ITPR2: variants seen among roughly 807,000 people sequenced by gnomAD.
ITPR2 encodes inositol 1,4,5-trisphosphate receptor type 2, also known as inositol 1,4,5-trisphosphate-gated calcium channel ITPR2.
A neutral mutation model predicts 317.1 loss-of-function variants in ITPR2; 207 were observed. That is an observed-to-expected ratio of 0.65 (90% CI 0.58 to 0.73). The LOEUF is 0.73. Ranked by LOEUF, ITPR2 falls within the 30% of genes least tolerant of loss-of-function variation. ITPR2 has a pLI of 0.00. For missense variants in ITPR2, 2,613 were observed against 3,284.0 expected (o/e 0.80, Z 4.99); for synonymous variants, 1,156 against 1,149.1 (o/e 1.01, Z -0.12).
At chr12:26,451,365 T>TCTCACACACACA (rs368381589) in intron 45 of ITPR2, among the ~76,000 whole-genome samples, 100 of 136,408 alleles carry the variant, frequency 7.3e-4, no homozygotes, top group Non-Finnish European at 6.0e-4. Context: ...TTCTCTCATA[T>TCTCACACACACA]CACACACACA....
chr12:26,599,291 T>C lies in ITPR2; in HGVS notation c.3856A>G (p.Asn1286Asp). The change falls in exon 30 of 57, where the codon AAC becomes GAC. Residue 1286 changes from asparagine to aspartate, a missense_variant. Physicochemically the swap from Asn to Asp is conservative, Grantham distance 23 (BLOSUM62 1). Coordinates refer to ENST00000381340, the MANE Select transcript of ITPR2 (RefSeq NM_002223.4). ...HIFMNNYHLCNEISERVVQHF... is the reference protein window; with the variant it reads ...HIFMNNYHLCDEISERVVQHF... Reference sequence around the variant, plus strand: ...TGTACAACTCTCTCGCTAATTTCGTTGCACAGATGGTAATTGTTCATGAAG... The same window carrying C: ...TGTACAACTCTCTCGCTAATTTCGTCGCACAGATGGTAATTGTTCATGAAG... 1 of 1,614,124 alleles carries C rather than the reference T, an allele frequency of 6.2e-7. No individual in the cohort carries two copies. Among genetic ancestry groups the C allele is most frequent in the South Asian group, 1.1e-5 (1 of 91,090 alleles).
At chr12:26,715,201 C>A in intron 8 of ITPR2, 98 bp downstream of exon 8, 1 of 1,067,714 alleles carries the variant, frequency 9.4e-7, no homozygotes, top group Non-Finnish European at 1.3e-6. Context: ...TTTTATGATT[C>A]TATCATAAAT....
At chr12:26,513,140 C>T (rs189100981) in intron 37 of ITPR2, among the ~76,000 whole-genome samples, 2 of 152,050 alleles carry the variant, frequency 1.3e-5, no homozygotes, top group Admixed American at 1.3e-4. Flanking sequence ...CGCGCCCGGC[C>T]GGGAAACAAT....
rs114684061 is a variant in ITPR2 at position 26,535,268 on chromosome 12, A to G, written c.5073+14979T>C. 5.5e-3 allele frequency among the ~76,000 whole-genome samples: 839 copies of G among 152,310 alleles called. 9 individuals carry two copies. The highest frequency in any genetic ancestry group is 0.019 in the African/African-American group (797 of 41,564). On this transcript the variant is annotated intron_variant, in intron 37 of 56. Transcript: ENST00000381340. ...ATTAAAATAAATCAGGAACTACTAT[A>G]CACAATAAAAATGATTCCAAAAAAG...
At chr12:26,343,100 C>A (rs1047711012) in intron 55 of ITPR2, among the ~76,000 whole-genome samples, 1 of 152,154 alleles carries the variant, frequency 6.6e-6, no homozygotes, top group Non-Finnish European at 1.5e-5. Context: ...GCTGGTGCCA[C>A]GCTTCTTGTG....
intron 35 of ITPR2, among the ~76,000 whole-genome samples, chr12:26,556,670 G>A (rs1944672742): frequency 6.7e-6 from 1 of 150,210 alleles, no homozygotes; most frequent in Non-Finnish European, 1.5e-5. Context: ...GGAAAAGTCA[G>A]TTAAGCCACT....
chr12:26,816,570 T>G (rs1015311365), intron 1 of ITPR2, among the ~76,000 whole-genome samples: 1 of 152,212 alleles, frequency 6.6e-6, no homozygotes, highest in African/African-American at 2.4e-5. Flanking sequence ...CCTGAGGACA[T>G]GATTATTAGC....
intron 37 of ITPR2, among the ~76,000 whole-genome samples, chr12:26,496,211 GC>G (rs1942927758): frequency 6.6e-6 from 1 of 152,074 alleles, no homozygotes; most frequent in African/African-American, 2.4e-5. Flanking sequence ...GGAAACTGTG[GC>G]CCAAGAGCTT....
intron 49 of ITPR2, among the ~76,000 whole-genome samples, chr12:26,422,277 AATTATTGAATAATT>A (rs1364073404): frequency 1.3e-5 from 2 of 150,300 alleles, no homozygotes; most frequent in African/African-American, 4.9e-5. Flanking sequence ...ATTATTATTG[AATTATTGAATAATT>A]ATTATTGAAT....
At chr12:26,751,875 A>C (rs7956541) in intron 2 of ITPR2, among the ~76,000 whole-genome samples, 57,086 of 151,512 alleles carry the variant, frequency 0.38, 12,857 homozygotes, top group Non-Finnish European at 0.53. Flanking sequence ...AAAAAAAAAA[A>C]AAAACAGTTT....
intron 1 of ITPR2, among the ~76,000 whole-genome samples, chr12:26,799,871 G>C (rs534389724): frequency 3.3e-5 from 5 of 152,270 alleles, no homozygotes; most frequent in Admixed American, 1.3e-4. Context: ...TTTAGTGGTG[G>C]CTGAGCTGAC....
chr12:26,696,867 G>A lies in ITPR2; in HGVS notation c.952-1217C>T, dbSNP rs140512251. Among the ~76,000 whole-genome samples the A allele has an allele frequency of 6.2e-3, 948 of 152,304 alleles. 10 individuals are homozygous for A. Among genetic ancestry groups the A allele is most frequent in the Middle Eastern group, 0.02 (6 of 294 alleles). ...CACTGGCAAGCTGCCATGAAATTAC[G>A]CAGAAAACTGCTTCCCTAGTCTGCT... On this transcript the variant is annotated intron_variant, in intron 9 of 56. Coordinates refer to ENST00000381340, the MANE Select transcript of ITPR2 (RefSeq NM_002223.4).
intron 1 of ITPR2, among the ~76,000 whole-genome samples, chr12:26,791,399 G>C (rs1379168391): frequency 6.6e-6 from 1 of 151,764 alleles, no homozygotes; most frequent in African/African-American, 2.4e-5. Context: ...AGAAGAGGAA[G>C]TATTAACCAG....
At chr12:26,448,658 A>G (rs1403596729) in intron 45 of ITPR2, among the ~76,000 whole-genome samples, 1 of 152,192 alleles carries the variant, frequency 6.6e-6, no homozygotes, top group Admixed American at 6.5e-5. Context: ...GATCCAAAGC[A>G]TTGGTGGATA....
rs147364384 is a variant in ITPR2 at position 26,511,813 on chromosome 12, A to G, written c.5074-16553T>C. 8.1e-3 allele frequency among the ~76,000 whole-genome samples: 1,228 copies of G among 152,312 alleles called. 9 individuals carry two copies. Among genetic ancestry groups the G allele is most frequent in the African/African-American group, 0.017 (686 of 41,570 alleles). On this transcript the variant is annotated intron_variant, in intron 37 of 56. Transcript: ENST00000381340. ...CGCATAGACAGCTGGAGGCTGGTAG[A>G]ACATAGCTACAAATCAAGTCTTGAA... is the stretch of plus-strand genomic sequence containing the variant.
chr12:26,643,798 T>C (rs1329284973), intron 21 of ITPR2, among the ~76,000 whole-genome samples: 2 of 152,240 alleles, frequency 1.3e-5, no homozygotes, highest in African/African-American at 4.8e-5. Context: ...GTCTGGTTCC[T>C]CCTGACTGCT....
At position 26,674,544 on chromosome 12, in the gene ITPR2, T is replaced by C. The variant is rs377377662; in HGVS notation, c.1409+7330A>G. Among the ~76,000 whole-genome samples, 3 of 152,140 alleles carry C rather than the reference T, an allele frequency of 2.0e-5. No homozygotes were observed. In the East Asian group the frequency reaches 5.8e-4, roughly 29 times the overall value. On this transcript the variant is annotated intron_variant, in intron 13 of 56. Coordinates refer to ENST00000381340, the MANE Select transcript of ITPR2 (RefSeq NM_002223.4). ...TCCTTACACCTTATATAAAAATCAA[T>C]TCAAAATGGATTAAAGACATAAACG... is the stretch of plus-strand genomic sequence containing the variant.
intron 2 of ITPR2, among the ~76,000 whole-genome samples, chr12:26,763,469 CAT>C (rs1179462040): frequency 2.6e-5 from 4 of 152,070 alleles, no homozygotes; most frequent in Admixed American, 6.6e-5. Flanking sequence ...GATACATACA[CAT>C]GTGATAAATG....
chr12:26,715,276 A>G (rs1358743690), intron 8 of ITPR2, 23 bp downstream of exon 8: 3 of 1,587,716 alleles, frequency 1.9e-6, no homozygotes, highest in Non-Finnish European at 2.6e-6. Flanking sequence ...ATATTTATTA[A>G]GTGCCAAAAA....
Sources: allele counts gnomAD v4.1 joint callset (sites outside exome capture counted in the v4.1 genomes callset), GRCh38; gene constraint gnomAD v4.1.1; transcripts MANE v1.5; gene names NCBI Gene and HGNC (gene_info 2026-07-23, HGNC 2026-07-21).